The following TOGARAM1 variants were observed in gnomAD, a reference collection of about 807,000 sequenced individuals.
TOGARAM1 encodes TOG array regulator of axonemal microtubules 1.
A neutral mutation model predicts 166.6 loss-of-function variants in TOGARAM1; 100 were observed. The observed-to-expected ratio is 0.60, with a 90% confidence interval of 0.51 to 0.71. The LOEUF (loss-of-function observed/expected upper bound fraction) is 0.71, where lower values mean the gene tolerates loss of function less well. Among genes scored for constraint, TOGARAM1 ranks in the 30% least tolerant of loss-of-function variants. The pLI is 0.00. For synonymous variants in TOGARAM1, 758 were observed against 763.8 expected (o/e 0.99, Z 0.13); for missense variants, 2,029 against 2,102.7 (o/e 0.96, Z 0.69).
At chr14:45,070,080 G>T (rs1377843246) in intron 18 of TOGARAM1, among the ~76,000 whole-genome samples, 1 of 152,090 alleles carries the variant, frequency 6.6e-6, no homozygotes, top group East Asian at 1.9e-4. Context: ...TACTTGGGAG[G>T]CTGAGGCAGG....
chr14:45,049,613 T>C (rs1295964884), intron 14 of TOGARAM1, among the ~76,000 whole-genome samples: 2 of 152,164 alleles, frequency 1.3e-5, no homozygotes, highest in South Asian at 4.1e-4. Context: ...CACCAGATCA[T>C]GTCATTACTT....
intron 1 of TOGARAM1, among the ~76,000 whole-genome samples, chr14:44,981,285 G>A (rs1015743290): frequency 6.6e-6 from 1 of 152,200 alleles, no homozygotes; most frequent in Non-Finnish European, 1.5e-5. Context: ...TGGATGGGCT[G>A]TCCAGTGAAT....
intron 3 of TOGARAM1, among the ~76,000 whole-genome samples, chr14:45,001,800 C>CT (rs1298338964): frequency 6.6e-6 from 1 of 152,118 alleles, no homozygotes; most frequent in Non-Finnish European, 1.5e-5. Context: ...TATTATGTCT[C>CT]TTATTAGGAA....
At chr14:45,021,218 G>A (rs984427162) in intron 7 of TOGARAM1, among the ~76,000 whole-genome samples, 1 of 152,132 alleles carries the variant, frequency 6.6e-6, no homozygotes, top group Non-Finnish European at 1.5e-5. Context: ...CGGACAACTA[G>A]GATTAAAAAT....
In TOGARAM1 at chr14:44,963,401, C is replaced by G. The variant is rs775752267; in HGVS notation, c.980C>G (p.Ala327Gly). 36 of 1,614,176 alleles carry G rather than the reference C, an allele frequency of 2.2e-5. No individual in the cohort carries two copies. The highest frequency in any genetic ancestry group is 3.3e-4 in the Middle Eastern group (2 of 6,060). Reference sequence around the variant, plus strand: ...GTTCCTTATTATTTGGAACTTGAAGCCTCTGGATTTCCTGAAGATCCCCTT... The same window carrying G: ...GTTCCTTATTATTTGGAACTTGAAGGCTCTGGATTTCCTGAAGATCCCCTT... ...SQVPYYLELE[A>G]SGFPEDPLPC... Residue 327 changes from alanine to glycine, a missense_variant, in exon 1 of 20, where the codon GCC becomes GGC. By Grantham distance (60) the Ala-to-Gly change is moderately conservative. Coordinates refer to ENST00000361462, the MANE Select transcript of TOGARAM1 (RefSeq NM_001308120.2).
intron 7 of TOGARAM1, among the ~76,000 whole-genome samples, chr14:45,014,079 T>C (rs967631652): frequency 6.8e-6 from 1 of 147,230 alleles, no homozygotes. Context: ...AGAGTCTCGC[T>C]CTGTCGCTGA....
chr14:45,051,539 C>T lies in TOGARAM1; in HGVS notation c.4314-897C>T, dbSNP rs1018542648. ...TGACTTTAAAGGGGGATTATGGGAGCATCCCAACAGATGCTTTTTTTTTTT... is the reference window on the plus strand; with the variant it reads ...TGACTTTAAAGGGGGATTATGGGAGTATCCCAACAGATGCTTTTTTTTTTT... On this transcript the variant is annotated intron_variant, in intron 14 of 19. Transcript: ENST00000361462. 3.3e-5 allele frequency among the ~76,000 whole-genome samples: 5 copies of T among 149,384 alleles called. No homozygotes were observed. In the East Asian group the frequency reaches 9.8e-4, roughly 29 times the overall value.
intron 10 of TOGARAM1, among the ~76,000 whole-genome samples, chr14:45,031,067 A>C (rs974225295): frequency 6.6e-6 from 1 of 152,216 alleles, no homozygotes; most frequent in Non-Finnish European, 1.5e-5. Flanking sequence ...ACCAACTCTG[A>C]ATATGTAATT....
chr14:45,007,580 G>A (rs751130349), intron 5 of TOGARAM1: 4 of 151,772 alleles, frequency 2.6e-5, no homozygotes, highest in Non-Finnish European at 5.9e-5. Context: ...AACTTTTCAC[G>A]CTTTTAATAG....
At chr14:44,984,486 A>G (rs1886684049) in intron 1 of TOGARAM1, among the ~76,000 whole-genome samples, 1 of 151,926 alleles carries the variant, frequency 6.6e-6, no homozygotes, top group Non-Finnish European at 1.5e-5. Context: ...TATTGTTATC[A>G]TCTTAAAAAA....
intron 13 of TOGARAM1, 84 bp from the exon 14 acceptor site, chr14:45,046,461 A>G: frequency 8.3e-7 from 1 of 1,201,630 alleles, no homozygotes; most frequent in South Asian, 4.2e-5. Context: ...AATACAAACA[A>G]ACAAAAACAA....
At chr14:45,015,000 A>G (rs1042146258) in intron 7 of TOGARAM1, among the ~76,000 whole-genome samples, 3 of 152,206 alleles carry the variant, frequency 2.0e-5, no homozygotes, top group Non-Finnish European at 2.9e-5. Context: ...CAAATACAAC[A>G]TTATTTTTTA....
chr14:45,033,997 A>G (rs1382059077), intron 11 of TOGARAM1, among the ~76,000 whole-genome samples: 2 of 152,012 alleles, frequency 1.3e-5, no homozygotes, highest in Non-Finnish European at 2.9e-5. Context: ...GTACTAAAAA[A>G]CGCAAAAAAT....
chr14:44,970,682 T>C (rs564985779), intron 1 of TOGARAM1, among the ~76,000 whole-genome samples: 1 of 152,300 alleles, frequency 6.6e-6, no homozygotes, highest in Admixed American at 6.5e-5. Context: ...TTTCTTGTAG[T>C]GTTCGCTATA....
intron 1 of TOGARAM1, among the ~76,000 whole-genome samples, chr14:44,984,882 A>G (rs974689257): frequency 6.6e-6 from 1 of 152,214 alleles, no homozygotes; most frequent in Non-Finnish European, 1.5e-5. Context: ...CCTTGTATAC[A>G]TATTTCTATT....
chr14:45,020,790 G>A (rs1388194363), intron 7 of TOGARAM1, among the ~76,000 whole-genome samples: 1 of 152,146 alleles, frequency 6.6e-6, no homozygotes, highest in Non-Finnish European at 1.5e-5. Context: ...AATTTTACAC[G>A]GGTGAGGTTT....
chr14:45,059,815 A>T (rs1882816758), intron 16 of TOGARAM1, among the ~76,000 whole-genome samples: 1 of 152,212 alleles, frequency 6.6e-6, no homozygotes, highest in African/African-American at 2.4e-5. Context: ...TAAAAAATAA[A>T]GCTGTATGTG....
chr14:45,039,664 G>T (rs771070938), intron 11 of TOGARAM1, among the ~76,000 whole-genome samples: 2 of 152,194 alleles, frequency 1.3e-5, no homozygotes, highest in Non-Finnish European at 2.9e-5. Flanking sequence ...CTCCAAAATT[G>T]GAGGTTGTGC....
intron 16 of TOGARAM1, among the ~76,000 whole-genome samples, chr14:45,057,605 T>A (rs746142248): frequency 9.9e-5 from 15 of 152,174 alleles, no homozygotes; most frequent in Admixed American, 2.6e-4. Context: ...ATTTCCCTCT[T>A]AACACTGCTT....
Sources: gnomAD v4.1 joint callset for allele counts (sites outside exome capture counted in the v4.1 genomes callset) on GRCh38, gnomAD v4.1.1 for gene constraint, MANE v1.5 for transcripts, NCBI Gene and HGNC (gene_info 2026-07-23, HGNC 2026-07-21) for gene names.